Variants in MKLN1 observed in about 807,000 individuals in gnomAD.
The protein encoded by MKLN1 is muskelin 1, also known as muskelin.
In MKLN1, 18 loss-of-function variants were observed where a neutral mutation model predicts 99.0. The ratio of observed to expected loss-of-function variants is 0.18; its 90% CI spans 0.13 to 0.27. MKLN1 has a LOEUF of 0.27. Ranked by LOEUF, MKLN1 falls within the 10% of genes least tolerant of loss-of-function variation. The pLI, the probability that MKLN1 is intolerant of heterozygous loss-of-function variation, is 1.00. For synonymous variants in MKLN1, 288 were observed against 293.2 expected, an observed-to-expected ratio of 0.98 and a Z score of 0.18; for missense variants, 621 against 875.9, an observed-to-expected ratio of 0.71 and a Z score of 3.67.
rs3847111 is a variant in MKLN1 at position 131,484,130 on chromosome 7, T to G, written c.2087-3477T>G. Among the ~76,000 whole-genome samples, 602 of 152,306 alleles carry G rather than the reference T, an allele frequency of 4.0e-3. 7 individuals are homozygous for G. The highest frequency in any genetic ancestry group is 3.8e-3 in the Non-Finnish European group (256 of 68,014). ...TGTATTCTTATGAAGTGATACATAA[T>G]TATTCATAATAGGGATCTACCATAA... is the stretch of plus-strand genomic sequence containing the variant. On this transcript the variant is annotated intron_variant, in intron 17 of 17. Coordinates refer to ENST00000352689, the MANE Select transcript of MKLN1 (RefSeq NM_013255.5).
At chr7:131,116,626 T>A (rs1360548768) in intron 1 of MKLN1, among the ~76,000 whole-genome samples, 1 of 151,930 alleles carries the variant, frequency 6.6e-6, no homozygotes, top group Non-Finnish European at 1.5e-5. Context: ...GGATATCTGA[T>A]AGAACATGGA....
chr7:131,367,880 A>G (rs1353983879), intron 1 of MKLN1, among the ~76,000 whole-genome samples: 1 of 152,152 alleles, frequency 6.6e-6, no homozygotes, highest in East Asian at 1.9e-4. Flanking sequence ...GAGGCTGTGG[A>G]TGGGGTATTC....
At chr7:131,283,325 CCCT>C (rs1798080404) in intron 3 of MKLN1, among the ~76,000 whole-genome samples, 2 of 79,396 alleles carry the variant, frequency 2.5e-5, no homozygotes, top group Admixed American at 1.2e-4. Flanking sequence ...CTCCCTCCCT[CCCT>C]CCTTCCCTTC....
chr7:131,438,007 A>C lies in MKLN1; in HGVS notation c.1173+10A>C, dbSNP rs1563348120. On this transcript the variant is annotated intron_variant, in intron 10 of 17. Transcript: ENST00000352689. ...GGTGTTTGATCATCAGGTTTGATGCACAGTTAAATATATGATGGAATTAAT... is the reference window on the plus strand; with the variant it reads ...GGTGTTTGATCATCAGGTTTGATGCCCAGTTAAATATATGATGGAATTAAT... 2 of 1,585,404 alleles carry C rather than the reference A, an allele frequency of 1.3e-6. No homozygotes were observed. The highest frequency in any genetic ancestry group is 1.7e-6 in the Non-Finnish European group (2 of 1,154,074).
At chr7:131,449,406 T>G (rs1002987888) in intron 12 of MKLN1, among the ~76,000 whole-genome samples, 3 of 152,226 alleles carry the variant, frequency 2.0e-5, no homozygotes, top group African/African-American at 7.2e-5. Context: ...GATCTAAGTT[T>G]TAACAATACC....
chr7:131,238,780 AT>A (rs1482356515), intron 3 of MKLN1, among the ~76,000 whole-genome samples: 5 of 152,154 alleles, frequency 3.3e-5, no homozygotes, highest in African/African-American at 1.2e-4. Flanking sequence ...CTATCTTGTG[AT>A]TCTCCCACCT....
chr7:131,187,165 T>C (rs1002778010), intron 2 of MKLN1, among the ~76,000 whole-genome samples: 2 of 152,240 alleles, frequency 1.3e-5, no homozygotes, highest in Non-Finnish European at 2.9e-5. Flanking sequence ...TGTGTTATTC[T>C]GGCCTTCAGC....
intron 3 of MKLN1, among the ~76,000 whole-genome samples, chr7:131,321,517 C>T (rs1798776012): frequency 6.6e-6 from 1 of 152,124 alleles, no homozygotes; most frequent in African/African-American, 2.4e-5. Context: ...AGCACACCAC[C>T]ATGGCACAAG....
chr7:131,171,710 G>A (rs1003411617), intron 2 of MKLN1, among the ~76,000 whole-genome samples: 3 of 151,988 alleles, frequency 2.0e-5, no homozygotes, highest in African/African-American at 4.8e-5. Context: ...CACCCACCTC[G>A]GCCTCCCAAA....
intron 9 of MKLN1, among the ~76,000 whole-genome samples, chr7:131,429,872 G>A (rs1339111261): frequency 5.9e-5 from 9 of 152,134 alleles, no homozygotes; most frequent in East Asian, 1.9e-4. Context: ...GAGCCACTGC[G>A]CCTGGCTGAT....
At chr7:131,124,118 G>A (rs1795418903) in intron 1 of MKLN1, among the ~76,000 whole-genome samples, 1 of 152,206 alleles carries the variant, frequency 6.6e-6, no homozygotes, top group African/African-American at 2.4e-5. Context: ...TACCTCTCAA[G>A]GAGGTTGTGA....
intron 2 of MKLN1, among the ~76,000 whole-genome samples, chr7:131,380,723 A>T (rs888709469): frequency 2.0e-5 from 3 of 152,208 alleles, no homozygotes; most frequent in African/African-American, 7.2e-5. Context: ...TTTAGTTTTG[A>T]ATAAGGAGAA....
At chr7:131,415,163 A>G (rs559933301) in intron 8 of MKLN1, among the ~76,000 whole-genome samples, 1 of 151,644 alleles carries the variant, frequency 6.6e-6, no homozygotes, top group South Asian at 2.1e-4. Flanking sequence ...GCTTGGTAGC[A>G]AACTTTTTTT....
rs59503509 is a variant in MKLN1, at chr7:131,167,671, C to CAAA, written c.-297+24743_-297+24745dup. ...TGGGCAACAGAGCAAGACTCTGTCTCAAAAAAAAAAAAAAATAATGTGGAA... is the reference window on the plus strand; with the variant it reads ...TGGGCAACAGAGCAAGACTCTGTCTCAAAAAAAAAAAAAAAAAATAATGTGGAA... On this transcript the variant is annotated intron_variant, in intron 2 of 7. Coordinates refer to the MKLN1 transcript ENST00000416992. Among the ~76,000 whole-genome samples, 158 of 116,110 alleles carry CAAA rather than the reference C, an allele frequency of 1.4e-3. 2 individuals are homozygous for CAAA. The highest frequency in any genetic ancestry group is 5.9e-3 in the East Asian group (26 of 4,434). The allele number at this position is 116,110 out of a possible 152,430, so 76.2% of individuals were successfully genotyped here.
chr7:131,443,203 A>G (rs1370772049), intron 10 of MKLN1, among the ~76,000 whole-genome samples: 2 of 152,220 alleles, frequency 1.3e-5, no homozygotes, highest in East Asian at 1.9e-4. Flanking sequence ...ATATAAATCA[A>G]CGCCTCATGT....
At chr7:131,387,412 G>T in intron 3 of MKLN1, 150 bp downstream of exon 3, 1 of 520,278 alleles carries the variant, frequency 1.9e-6, no homozygotes, top group East Asian at 3.6e-5. Flanking sequence ...TTAATACTGT[G>T]GCTTGAGTTA....
intron 3 of MKLN1, among the ~76,000 whole-genome samples, chr7:131,303,274 A>T: frequency 6.6e-6 from 1 of 152,226 alleles, no homozygotes; most frequent in East Asian, 1.9e-4. Flanking sequence ...TTTCTGCAGC[A>T]GGCGGAGGCT....
chr7:131,388,825 T>G, intron 3 of MKLN1, 59 bp from the exon 4 acceptor site: 1 of 1,090,182 alleles, frequency 9.2e-7, no homozygotes, highest in South Asian at 1.4e-5. Flanking sequence ...TTAATTCGTG[T>G]TCTAGTGCAT....
intron 1 of MKLN1, among the ~76,000 whole-genome samples, chr7:131,353,643 A>G (rs1020351199): frequency 7.9e-5 from 12 of 151,708 alleles, no homozygotes; most frequent in East Asian, 1.9e-4. Context: ...CAGTTTTTCA[A>G]TTTTTCCTTT....
Sources: allele counts gnomAD v4.1 joint callset (sites outside exome capture counted in the v4.1 genomes callset), GRCh38; gene constraint gnomAD v4.1.1; transcripts MANE v1.5; gene names NCBI Gene and HGNC (gene_info 2026-07-23, HGNC 2026-07-21).